The following EXOC6B variants were observed in gnomAD, a reference collection of about 807,000 sequenced individuals.
EXOC6B encodes the protein exocyst complex component 6B.
Under a neutral mutation model 113.5 loss-of-function variants are expected in EXOC6B, and 54 were observed. The observed-to-expected ratio is 0.48, with a 90% CI of 0.38 to 0.60. EXOC6B has a LOEUF of 0.60. EXOC6B is among the 20% of genes least tolerant of loss of function. EXOC6B has a pLI of 0.00. For missense variants in EXOC6B, 797 were observed against 977.5 expected (o/e 0.82, Z 2.46); for synonymous variants, 357 against 339.0 (o/e 1.05, Z -0.58).
At chr2:72,454,923 TG>T (rs1309433243) in intron 18 of EXOC6B, among the ~76,000 whole-genome samples, 2 of 152,196 alleles carry the variant, frequency 1.3e-5, no homozygotes, top group Admixed American at 6.5e-5. Context: ...AAGAAGCAAA[TG>T]TTTTTTTATT....
At chr2:72,295,056 C>T (rs1686040660) in intron 20 of EXOC6B, among the ~76,000 whole-genome samples, 1 of 151,850 alleles carries the variant, frequency 6.6e-6, no homozygotes, top group African/African-American at 2.4e-5. Context: ...CATGGTGAAT[C>T]CTCATCTCTA....
At chr2:72,523,843 T>C (rs1428677982) in intron 8 of EXOC6B, among the ~76,000 whole-genome samples, 1 of 149,326 alleles carries the variant, frequency 6.7e-6, no homozygotes, top group Non-Finnish European at 1.5e-5. Context: ...CAGCTCCTTA[T>C]CTACTGGCTA....
chr2:72,584,679 A>G lies in EXOC6B; in HGVS notation c.670-9011T>C, dbSNP rs919866902. On this transcript the variant is annotated intron_variant, in intron 6 of 21. Coordinates refer to ENST00000272427, the MANE Select transcript of EXOC6B (RefSeq NM_015189.3). ...TGGACCTAACAGACATCTACAGAAC[A>G]CTTCACCCATCAACCATGAATATAC... Among the ~76,000 whole-genome samples the G allele has an allele frequency of 2.0e-5, 3 of 152,180 alleles. No homozygotes were observed. In the East Asian group the frequency reaches 5.8e-4, roughly 29 times the overall value.
intron 1 of EXOC6B, among the ~76,000 whole-genome samples, chr2:72,802,837 TTTGA>T (rs1480105539): frequency 6.6e-6 from 1 of 152,168 alleles, no homozygotes. Flanking sequence ...ATGAGCATCA[TTTGA>T]AACTAGATAG....
chr2:72,244,142 G>A (rs1682505488), intron 20 of EXOC6B, among the ~76,000 whole-genome samples: 1 of 152,124 alleles, frequency 6.6e-6, no homozygotes, highest in Non-Finnish European at 1.5e-5. Flanking sequence ...GACTGACCAC[G>A]TTCTGGGCCA....
chr2:72,400,658 G>A (rs1693074678), intron 18 of EXOC6B, among the ~76,000 whole-genome samples: 1 of 145,450 alleles, frequency 6.9e-6, no homozygotes, highest in African/African-American at 2.5e-5. Context: ...CTCAAAAAAA[G>A]ACATACGCAG....
At chr2:72,280,728 G>A (rs1365920724) in intron 20 of EXOC6B, among the ~76,000 whole-genome samples, 1 of 152,080 alleles carries the variant, frequency 6.6e-6, no homozygotes, top group Admixed American at 6.6e-5. Context: ...TCCAGGACTT[G>A]AGGATACAAG....
chr2:72,301,746 T>C (rs189642807), intron 20 of EXOC6B, among the ~76,000 whole-genome samples: 1 of 152,254 alleles, frequency 6.6e-6, no homozygotes, highest in East Asian at 1.9e-4. Context: ...TCTTTTTTAT[T>C]AGTCTAGCTA....
At chr2:72,634,268 T>A (rs2104296144) in intron 6 of EXOC6B, among the ~76,000 whole-genome samples, 1 of 152,328 alleles carries the variant, frequency 6.6e-6, no homozygotes, top group Non-Finnish European at 1.5e-5. Flanking sequence ...GTTTTTTACA[T>A]TTTGTAAGAG....
At chr2:72,643,751 C>T (rs1046433723) in intron 6 of EXOC6B, among the ~76,000 whole-genome samples, 2 of 145,386 alleles carry the variant, frequency 1.4e-5, no homozygotes. Flanking sequence ...TACCCTAAAA[C>T]TTGAAGTATA....
intron 6 of EXOC6B, among the ~76,000 whole-genome samples, chr2:72,686,493 A>T (rs190734562): frequency 1.1e-4 from 17 of 152,354 alleles, no homozygotes; most frequent in Middle Eastern, 3.4e-3. Context: ...AAAGCAAAAC[A>T]ACTTATGAAT....
chr2:72,692,809 T>G (rs1677594649), intron 6 of EXOC6B, among the ~76,000 whole-genome samples: 1 of 152,196 alleles, frequency 6.6e-6, no homozygotes, highest in Non-Finnish European at 1.5e-5. Flanking sequence ...TTTCTCTCTG[T>G]GCAAAATATT....
chr2:72,259,780 G>C (rs1400843764), intron 20 of EXOC6B, among the ~76,000 whole-genome samples: 1 of 151,944 alleles, frequency 6.6e-6, no homozygotes, highest in Non-Finnish European at 1.5e-5. Context: ...GCCAGGCACA[G>C]TGGCTCACGC....
chr2:72,433,903 C>T (rs1695698179), intron 18 of EXOC6B, among the ~76,000 whole-genome samples: 2 of 152,178 alleles, frequency 1.3e-5, no homozygotes, highest in Admixed American at 6.5e-5. Flanking sequence ...ATTTCTTTCT[C>T]CTGCCTGATT....
chr2:72,633,188 G>T (rs1049581052), intron 6 of EXOC6B, among the ~76,000 whole-genome samples: 2 of 152,194 alleles, frequency 1.3e-5, no homozygotes, highest in East Asian at 3.8e-4. Context: ...TATTCCGTCT[G>T]CCATCAGGTG....
chr2:72,196,344 T>C (rs920318504), intron 20 of EXOC6B, among the ~76,000 whole-genome samples: 13 of 152,124 alleles, frequency 8.5e-5, no homozygotes, highest in African/African-American at 2.2e-4. Flanking sequence ...AAGCAGGTAA[T>C]GTCCTTATAC....
At chr2:72,453,679 G>A (rs1697040104) in intron 18 of EXOC6B, among the ~76,000 whole-genome samples, 2 of 152,048 alleles carry the variant, frequency 1.3e-5, no homozygotes, top group Admixed American at 1.3e-4. Context: ...TCATTACACA[G>A]TTAAGGTTTT....
chr2:72,618,160 G>A (rs1334944852), intron 6 of EXOC6B, among the ~76,000 whole-genome samples: 1 of 152,120 alleles, frequency 6.6e-6, no homozygotes, highest in African/African-American at 2.4e-5. Flanking sequence ...CCTGAGGTCA[G>A]GAGTTCAAGA....
intron 6 of EXOC6B, among the ~76,000 whole-genome samples, chr2:72,688,832 T>C (rs961731231): frequency 6.6e-5 from 10 of 152,206 alleles, no homozygotes; most frequent in Non-Finnish European, 1.2e-4. Context: ...TACCTAGTAG[T>C]AAATGACAGG....
Sources: gnomAD v4.1 joint callset for allele counts (sites outside exome capture counted in the v4.1 genomes callset) on GRCh38, gnomAD v4.1.1 for gene constraint, MANE v1.5 for transcripts, NCBI Gene and HGNC (gene_info 2026-07-23, HGNC 2026-07-21) for gene names.